The following LRCH3 variants were observed in gnomAD, a reference collection of about 807,000 sequenced individuals.
LRCH3 encodes the protein leucine rich repeats and calponin homology domain containing 3, also known as DISP complex protein LRCH3.
In LRCH3, 68 loss-of-function variants were observed where a neutral mutation model predicts 104.5. The ratio of observed to expected loss-of-function variants is 0.65; its 90% CI spans 0.54 to 0.80. The LOEUF is 0.80. Ranked by LOEUF, LRCH3 falls within the 30% of genes least tolerant of loss-of-function variation. The probability of loss-of-function intolerance (pLI) is 0.00; values close to 1 mark genes in which losing one functional copy is unlikely to be tolerated. For synonymous variants in LRCH3, 344 were observed against 361.3 expected (o/e 0.95, Z 0.54); for missense variants, 951 against 953.9 (o/e 1.00, Z 0.04).
chr3:197,829,659 G>T lies in LRCH3; in HGVS notation c.873G>T (p.Leu291Phe). The T allele has an allele frequency of 2.5e-6, 4 of 1,611,074 alleles. No individual in the cohort carries two copies. The South Asian group carries it at 4.4e-5, about 18-fold the overall frequency. ...TGCCGGATTATGATAGGAGACCGTTGGGTTTTGGCTCCTGGTAAGTATATT... is the reference window on the plus strand; with the variant it reads ...TGCCGGATTATGATAGGAGACCGTTTGGTTTTGGCTCCTGGTAAGTATATT... The part of the protein sequence containing the change: ...PDLPDYDRRP[L>F]GFGSCHEELY... Residue 291 changes from leucine to phenylalanine, a missense_variant, in exon 6 of 21, where the codon TTG becomes TTT. Physicochemically the swap from Leu to Phe is conservative, Grantham distance 22. Transcript: ENST00000425562.
chr3:197,800,193 A>G (rs983704830), intron 1 of LRCH3, among the ~76,000 whole-genome samples: 10 of 151,850 alleles, frequency 6.6e-5, no homozygotes, highest in Admixed American at 1.3e-4. Context: ...ACAGAGTGAG[A>G]CTGTCTCAAA....
intron 8 of LRCH3, among the ~76,000 whole-genome samples, chr3:197,832,608 C>T (rs1374785545): frequency 6.6e-6 from 1 of 151,714 alleles, no homozygotes; most frequent in Non-Finnish European, 1.5e-5. Flanking sequence ...GATTTAATCA[C>T]GACCTTTTGA....
chr3:197,873,277 T>C (rs1158928077), intron 19 of LRCH3, among the ~76,000 whole-genome samples: 1 of 152,240 alleles, frequency 6.6e-6, no homozygotes, highest in Non-Finnish European at 1.5e-5. Flanking sequence ...ACTTGCTTTA[T>C]GTATCTATAT....
chr3:197,830,776 A>G lies in LRCH3; in HGVS notation c.894A>G (p.Glu298=), dbSNP rs777286066. ...CAGAGTCTCTTTTCGGCAGCCATGA[A>G]GAACTGTACTCAAGTCGCCCTTATG... ...RRPLGFGSCH[E]ELYSSRPYGA... Residue 298 remains glutamate, a synonymous_variant, in exon 7 of 21, where the codon GAA becomes GAG. Transcript: ENST00000425562. 1 of 1,613,398 alleles carries G rather than the reference A, an allele frequency of 6.2e-7. No individual in the cohort carries two copies. Among genetic ancestry groups the G allele is most frequent in the Non-Finnish European group, 8.5e-7 (1 of 1,179,508 alleles).
chr3:197,868,583 G>T (rs548056402), intron 17 of LRCH3, among the ~76,000 whole-genome samples: 116 of 152,318 alleles, frequency 7.6e-4, no homozygotes, highest in African/African-American at 2.7e-3. Context: ...ATAATAGCCT[G>T]AAACTGAATG....
At chr3:197,818,072 C>T (rs191623980) in intron 3 of LRCH3, among the ~76,000 whole-genome samples, 20 of 152,238 alleles carry the variant, frequency 1.3e-4, no homozygotes, top group African/African-American at 3.9e-4. Flanking sequence ...CTGCCCACCT[C>T]GGCCTCCCAA....
rs1404147318 is a variant in LRCH3 at position 197,840,279 on chromosome 3, A to G, written c.1328+882A>G. Among the ~76,000 whole-genome samples the G allele has an allele frequency of 3.3e-5, 5 of 152,180 alleles. No individual in the cohort carries two copies. In the East Asian group the frequency reaches 9.6e-4, roughly 29 times the overall value. ...GTGGTGAAACGCCGTCTCTACTAAAAATACAAAAAATAGCTGGGTGTGGTG... is the reference window on the plus strand; with the variant it reads ...GTGGTGAAACGCCGTCTCTACTAAAGATACAAAAAATAGCTGGGTGTGGTG... On this transcript the variant is annotated intron_variant, in intron 10 of 20. Coordinates refer to ENST00000425562, the MANE Select transcript of LRCH3 (RefSeq NM_001365715.1).
intron 8 of LRCH3, among the ~76,000 whole-genome samples, chr3:197,832,807 G>A (rs931941666): frequency 6.6e-6 from 1 of 151,504 alleles, no homozygotes; most frequent in Non-Finnish European, 1.5e-5. Context: ...TCATTAGCAA[G>A]CAGCACTCTC....
chr3:197,815,136 A>G (rs1222301498), intron 2 of LRCH3, 84 bp downstream of exon 2: 5 of 777,144 alleles, frequency 6.4e-6, no homozygotes, highest in African/African-American at 5.4e-5. Context: ...ATTTACCTAT[A>G]TATATGCTAT....
intron 4 of LRCH3, chr3:197,823,570 C>G (rs1237953008): frequency 6.6e-6 from 1 of 152,190 alleles, no homozygotes; most frequent in African/African-American, 2.4e-5. Flanking sequence ...TCACCGTAGC[C>G]TCGAACTCTG....
chr3:197,824,574 T>C (rs1157256721), intron 4 of LRCH3, among the ~76,000 whole-genome samples: 1 of 129,572 alleles, frequency 7.7e-6, no homozygotes, highest in Admixed American at 8.1e-5. Flanking sequence ...GCTGCCCAGC[T>C]TTTTTTTTTT....
chr3:197,884,192 T>G lies in LRCH3; in HGVS notation c.*526T>G, dbSNP rs1245713430. On this transcript the variant is annotated 3_prime_UTR_variant, in exon 21 of 21. Coordinates refer to ENST00000425562, the MANE Select transcript of LRCH3 (RefSeq NM_001365715.1). ...TTGTTGGAGAAGGAGTTCTGCTCAGTCGCCCAGGCTAGAGTGCAGTGGCAT... is the reference window on the plus strand; with the variant it reads ...TTGTTGGAGAAGGAGTTCTGCTCAGGCGCCCAGGCTAGAGTGCAGTGGCAT... The G allele has an allele frequency of 1.3e-5, 2 of 152,618 alleles. No homozygotes were observed. The highest frequency in any genetic ancestry group is 2.9e-5 in the Non-Finnish European group (2 of 68,332). The allele number at this position is 152,618 out of a possible 1,614,324, so 9.5% of individuals were successfully genotyped here. A position where few individuals can be genotyped will look rare whatever the true frequency, so the allele number is the denominator to read the frequency against.
intron 12 of LRCH3, chr3:197,852,204 T>C (rs571235259): frequency 1.5e-5 from 3 of 201,068 alleles, no homozygotes; most frequent in South Asian, 9.8e-5. Flanking sequence ...GTGTCAGATA[T>C]GAGGTGGAGT....
At chr3:197,863,231 A>G (rs1292956766) in intron 15 of LRCH3, among the ~76,000 whole-genome samples, 2 of 152,154 alleles carry the variant, frequency 1.3e-5, no homozygotes. Flanking sequence ...TCAAGGCCTA[A>G]AAAACTATTA....
intron 10 of LRCH3, among the ~76,000 whole-genome samples, chr3:197,844,562 A>G (rs1248756964): frequency 6.6e-6 from 1 of 151,038 alleles, no homozygotes; most frequent in Non-Finnish European, 1.5e-5. Context: ...AGCCTTGAAA[A>G]CAGTGTTTGA....
intron 15 of LRCH3, among the ~76,000 whole-genome samples, chr3:197,861,233 T>A (rs1740845707): frequency 6.6e-6 from 1 of 152,208 alleles, no homozygotes; most frequent in South Asian, 2.1e-4. Context: ...TGAAAAAACT[T>A]CATAATTCTC....
In LRCH3 at chr3:197,871,350, C is replaced by T. The variant is rs751249617; in HGVS notation, c.2018C>T (p.Ser673Phe). The change falls in exon 19 of 21, where the codon TCT becomes TTT. Residue 673 changes from serine (S) to phenylalanine (F), a missense_variant. By Grantham distance (155) the Ser-to-Phe change is radical. Coordinates refer to ENST00000425562, the MANE Select transcript of LRCH3 (RefSeq NM_001365715.1). ...CATATTGAGTACCGGTTGAAAGTGT[C>T]TCTACCTTGTGATCTCGGAGCAGCT... is the stretch of plus-strand genomic sequence containing the variant. ...RKHIEYRLKVSLPCDLGAALT... is the reference protein window; with the variant it reads ...RKHIEYRLKVFLPCDLGAALT... 2.5e-6 allele frequency: 4 copies of T among 1,613,940 alleles called. No individual in the cohort carries two copies. Among genetic ancestry groups the T allele is most frequent in the East Asian group, 2.2e-5 (1 of 44,886 alleles).
In LRCH3 at chr3:197,856,811, A is replaced by G. The variant is rs566246072; in HGVS notation, c.1645-2023A>G. 1.3e-5 allele frequency among the ~76,000 whole-genome samples: 2 copies of G among 152,354 alleles called. No homozygotes were observed. The highest frequency in any genetic ancestry group is 4.8e-5 in the African/African-American group (2 of 41,584). The stretch of plus-strand genomic sequence containing the variant: ...CCATCCCTACCACAGTTCCTGGGAT[A>G]TATTAGGTGCTCAGTAAATATTTCC... On this transcript the variant is annotated intron_variant, in intron 14 of 20. Coordinates refer to ENST00000425562, the MANE Select transcript of LRCH3 (RefSeq NM_001365715.1). This position sits in a 1 kb window ranked among gnomAD's most constrained non-coding sequence, Gnocchi z 4.2.
chr3:197,847,447 C>T lies in LRCH3; in HGVS notation c.1367C>T (p.Ala456Val), dbSNP rs777351087. 6.2e-7 allele frequency: 1 copy of T among 1,600,334 alleles called. No individual in the cohort carries two copies. Among genetic ancestry groups the T allele is most frequent in the South Asian group, 1.1e-5 (1 of 87,982 alleles). The change falls in exon 11 of 21, where the codon GCA becomes GTA. Residue 456 changes from alanine to valine, a missense_variant. Transcript: ENST00000425562. ...AEPSSLLSLS[A>V]SHNQLSHTDL... ...CCATCTTCCCTCCTGTCACTATCAG[C>T]AAGTCACAATCAGGTAATGTTTAGT...
Sources: gnomAD v4.1 joint callset for allele counts (sites outside exome capture counted in the v4.1 genomes callset) on GRCh38, gnomAD v4.1.1 for gene constraint, Gnocchi (gnomAD v3.1) non-coding constraint, MANE v1.5 for transcripts, NCBI Gene and HGNC (gene_info 2026-07-23, HGNC 2026-07-21) for gene names.